The following MYO9B variants were observed in gnomAD, a reference collection of about 807,000 sequenced individuals.
The protein encoded by MYO9B is unconventional myosin-IXb.
MYO9B carries 71 observed loss-of-function variants against 229.5 expected under a neutral mutation model. That is an observed-to-expected ratio of 0.31 (90% CI 0.26 to 0.38). The LOEUF (loss-of-function observed/expected upper bound fraction) is 0.38. Among genes scored for constraint, MYO9B ranks in the 10% least tolerant of loss-of-function variants. The pLI, the probability that MYO9B is intolerant of heterozygous loss-of-function variation, is 1.00. For synonymous variants in MYO9B, 1,185 were observed against 1,235.8 expected (o/e 0.96, Z 0.86); for missense variants, 2,255 against 2,920.5 (o/e 0.77, Z 5.25).
chr19:17,150,080 C>T (rs551695822), intron 3 of MYO9B, among the ~76,000 whole-genome samples: 1 of 152,330 alleles, frequency 6.6e-6, no homozygotes, highest in South Asian at 2.1e-4. Flanking sequence ...GCCACCTGTG[C>T]ATCGTGTGTG....
At chr19:17,175,355 T>C (rs966357182) in intron 13 of MYO9B, among the ~76,000 whole-genome samples, 1 of 148,122 alleles carries the variant, frequency 6.8e-6, no homozygotes, top group Non-Finnish European at 1.5e-5. Context: ...GAGGCCAAGG[T>C]GGGCAGATCA....
At chr19:17,200,232 G>T in intron 24 of MYO9B, 61 bp from the exon 25 acceptor site, 1 of 1,564,888 alleles carries the variant, frequency 6.4e-7, no homozygotes. Flanking sequence ...TCACAGGGAG[G>T]CTGGGCCTCA....
intron 1 of MYO9B, among the ~76,000 whole-genome samples, chr19:17,097,376 A>G (rs952068736): frequency 6.6e-6 from 1 of 151,892 alleles, no homozygotes; most frequent in Non-Finnish European, 1.5e-5. Context: ...GCTGTATCTT[A>G]GATAGTAAAA....
chr19:17,113,636 G>T (rs904777476), intron 2 of MYO9B, among the ~76,000 whole-genome samples: 1 of 152,136 alleles, frequency 6.6e-6, no homozygotes, highest in Non-Finnish European at 1.5e-5. Context: ...GGTCCCTGAG[G>T]GGGGTGAGCT....
intron 1 of MYO9B, among the ~76,000 whole-genome samples, chr19:17,091,244 G>A (rs1379802059): frequency 6.7e-6 from 1 of 150,242 alleles, no homozygotes; most frequent in Non-Finnish European, 1.5e-5. Flanking sequence ...TTGTTTTTTT[G>A]ATACATGGTC....
intron 2 of MYO9B, among the ~76,000 whole-genome samples, chr19:17,139,421 C>T (rs995520852): frequency 1.3e-5 from 2 of 152,148 alleles, no homozygotes; most frequent in African/African-American, 4.8e-5. Context: ...CGCACTCCAG[C>T]CTGGGCGACA....
rs530721853 is a variant in MYO9B, at chr19:17,179,490, G to A, written c.2220-1437G>A. On this transcript the variant is annotated intron_variant, in intron 14 of 39. Transcript: ENST00000682292. ...TGCCCAGGCTGGAGTGCAGTGGTGC[G>A]ATCTCGGCTCACTACAACCTCTGCC... Among the ~76,000 whole-genome samples, 20 of 140,986 alleles carry A rather than the reference G, an allele frequency of 1.4e-4. 1 individual carries two copies. Among genetic ancestry groups the A allele is most frequent in the Middle Eastern group, 3.9e-3 (1 of 254 alleles). The allele number at this position is 140,986 out of a possible 152,430, so 92.5% of individuals were successfully genotyped here. A position where few individuals can be genotyped will look rare whatever the true frequency, so the allele number is the denominator to read the frequency against.
chr19:17,088,756 T>C (rs146161977), intron 1 of MYO9B, among the ~76,000 whole-genome samples: 501 of 152,228 alleles, frequency 3.3e-3, no homozygotes, highest in African/African-American at 0.011. Flanking sequence ...AGTGGCGCCA[T>C]CACGGCTCAC....
intron 11 of MYO9B, among the ~76,000 whole-genome samples, chr19:17,171,440 G>C (rs6512173): frequency 0.72 from 108,855 of 151,934 alleles, 39,718 homozygotes; most frequent in African/African-American, 0.86. Context: ...GTATGGCATT[G>C]AGGTACAAAT....
chr19:17,087,061 C>T (rs2057590065), intron 1 of MYO9B, among the ~76,000 whole-genome samples: 1 of 152,152 alleles, frequency 6.6e-6, no homozygotes. Context: ...CTTCACCTCC[C>T]CATTCTCTCT....
intron 2 of MYO9B, among the ~76,000 whole-genome samples, chr19:17,136,174 C>T (rs2072267142): frequency 6.6e-6 from 1 of 152,110 alleles, no homozygotes; most frequent in African/African-American, 2.4e-5. Flanking sequence ...GGTCGTGGGA[C>T]CACATAGGTG....
intron 18 of MYO9B, among the ~76,000 whole-genome samples, chr19:17,186,268 A>G (rs1343681640): frequency 6.6e-6 from 1 of 152,184 alleles, no homozygotes; most frequent in Non-Finnish European, 1.5e-5. Flanking sequence ...CATCCCAAAG[A>G]GTAGCCGGTG....
At chr19:17,104,488 A>G (rs1334440409) in intron 2 of MYO9B, among the ~76,000 whole-genome samples, 2 of 152,178 alleles carry the variant, frequency 1.3e-5, no homozygotes, top group Non-Finnish European at 2.9e-5. Context: ...GTGCATCCAC[A>G]TGTCTCAGAA....
At chr19:17,210,957 C>A (rs1420694101) in intron 38 of MYO9B, 109 bp downstream of exon 38, 1 of 1,064,066 alleles carries the variant, frequency 9.4e-7, no homozygotes, top group Non-Finnish European at 1.3e-6. Flanking sequence ...CCTGTCATCC[C>A]TAACACTGGG....
intron 15 of MYO9B, among the ~76,000 whole-genome samples, chr19:17,182,269 A>C (rs2145409022): frequency 6.6e-6 from 1 of 151,950 alleles, no homozygotes; most frequent in Non-Finnish European, 1.5e-5. Flanking sequence ...TAGAGGTGGA[A>C]TCTTGCTATG....
chr19:17,175,629 A>T (rs8113494), intron 13 of MYO9B, 34 bp from the exon 14 acceptor site: 458,865 of 1,509,818 alleles, frequency 0.3, 71,410 homozygotes, highest in African/African-American at 0.39. Flanking sequence ...ATAGGAGGCC[A>T]TCCCCACCAC....
intron 1 of MYO9B, among the ~76,000 whole-genome samples, chr19:17,084,092 T>C (rs2057559789): frequency 6.6e-6 from 1 of 151,956 alleles, no homozygotes; most frequent in Non-Finnish European, 1.5e-5. Context: ...TCCCAGCACT[T>C]TGGGAGGCGG....
intron 2 of MYO9B, among the ~76,000 whole-genome samples, chr19:17,125,859 T>C (rs2058012080): frequency 6.6e-6 from 1 of 152,128 alleles, no homozygotes; most frequent in Non-Finnish European, 1.5e-5. Context: ...CTGGAGAGCC[T>C]CCACTTCCTC....
chr19:17,207,291 C>T (rs1173058781), intron 35 of MYO9B, 47 bp downstream of exon 35: 3 of 1,569,230 alleles, frequency 1.9e-6, no homozygotes, highest in Non-Finnish European at 2.6e-6. Context: ...CAGCCCCACC[C>T]AGGACCCCAC....
Sources: gnomAD v4.1 joint callset for allele counts (sites outside exome capture counted in the v4.1 genomes callset) on GRCh38, gnomAD v4.1.1 for gene constraint, MANE v1.5 for transcripts, NCBI Gene and HGNC (gene_info 2026-07-23, HGNC 2026-07-21) for gene names.